The following MINAR1 variants were observed in gnomAD, a reference collection of about 807,000 sequenced individuals.
MINAR1 encodes membrane integral NOTCH2 associated receptor 1.
MINAR1 carries 40 observed loss-of-function variants against 65.1 expected under a neutral mutation model. The observed-to-expected ratio is 0.61, with a 90% CI of 0.48 to 0.80. The LOEUF is 0.80. MINAR1 is among the 30% of genes least tolerant of loss of function. MINAR1 has a pLI of 0.00. For synonymous variants in MINAR1, 482 were observed against 449.1 expected (o/e 1.07, Z -0.93); for missense variants, 1,128 against 1,148.0 (o/e 0.98, Z 0.25).
At chr15:79,419,389 G>C in the MINAR1 span, 3 of 152,282 alleles carry the variant, frequency 2.0e-5, no homozygotes, top group South Asian at 2.1e-4. Context: ...GATGGTGCCA[G>C]ACTTCAAGTG....
At chr15:79,458,566 T>C in intron 2 of MINAR1, 121 bp downstream of exon 2, 2 of 1,265,274 alleles carry the variant, frequency 1.6e-6, no homozygotes, top group Non-Finnish European at 2.2e-6. Context: ...CCAGTCATCC[T>C]TCCAGGTTTG....
In MINAR1 at chr15:79,470,861, G is replaced by C. The variant is rs146167459; in HGVS notation, c.*2477G>C. 4 of 152,294 alleles carry C rather than the reference G, an allele frequency of 2.6e-5. No individual in the cohort carries two copies. The East Asian group carries it at 7.7e-4, about 29-fold the overall frequency. The allele number at this position is 152,294 out of a possible 1,614,324, so 9.4% of individuals were successfully genotyped here. A position where few individuals can be genotyped will look rare whatever the true frequency, so the allele number is the denominator to read the frequency against. On this transcript the variant is annotated 3_prime_UTR_variant, in exon 4 of 4. Transcript: ENST00000305428. ...GTCATCCTCAGTCTGATAATACCAA[G>C]TCTGACGCTGAGGTTATGAATCATT... is the stretch of plus-strand genomic sequence containing the variant.
At position 79,461,128 on chromosome 15, in the gene MINAR1, C is replaced by T. The variant is rs558083532; in HGVS notation, c.2299-1939C>T. Among the ~76,000 whole-genome samples, 403 of 152,328 alleles carry T rather than the reference C, an allele frequency of 2.6e-3. 1 individual carries two copies. The highest frequency in any genetic ancestry group is 8.7e-3 in the African/African-American group (362 of 41,570). On this transcript the variant is annotated intron_variant, in intron 2 of 3. Coordinates refer to ENST00000305428, the MANE Select transcript of MINAR1 (RefSeq NM_015206.3). ...TGGATGGAAACTTTTATTGAAAATA[C>T]GTATTATGTATATATATTGACTGCC...
chr15:79,457,019 G>T lies in MINAR1; in HGVS notation c.872G>T (p.Arg291Leu), dbSNP rs760038690. ...AATGAGCACAGGGAACCCCAGAGTC[G>T]AAAGGAACCCCACAAGCCACCCTTC... The part of the protein sequence containing the change: ...AENEHREPQS[R>L]KEPHKPPFFN... The change falls in exon 2 of 4, where the codon CGA (arginine) becomes CTA (leucine). Residue 291 changes from arginine to leucine, a missense_variant. Arg to Leu is a moderately radical substitution (Grantham distance 102). Coordinates refer to ENST00000305428, the MANE Select transcript of MINAR1 (RefSeq NM_015206.3). 3 of 1,613,920 alleles carry T rather than the reference G, an allele frequency of 1.9e-6. No homozygotes were observed. Among genetic ancestry groups the T allele is most frequent in the Non-Finnish European group, 2.5e-6 (3 of 1,179,924 alleles).
intron 1 of MINAR1, among the ~76,000 whole-genome samples, chr15:79,448,547 G>A (rs1016976370): frequency 2.0e-5 from 3 of 152,166 alleles, no homozygotes; most frequent in African/African-American, 4.8e-5. Context: ...GGCCAACACC[G>A]ACGCAGGAAT....
chr15:79,465,074 T>C (rs183749480), intron 3 of MINAR1, among the ~76,000 whole-genome samples: 1 of 152,288 alleles, frequency 6.6e-6, no homozygotes, highest in African/African-American at 2.4e-5. Context: ...AGCATAAAGA[T>C]AAAATTATAA....
intron 1 of MINAR1, among the ~76,000 whole-genome samples, chr15:79,452,628 C>CTGTGTG (rs367728486): frequency 1.8e-5 from 2 of 113,440 alleles, no homozygotes; most frequent in Non-Finnish European, 3.8e-5. Context: ...CTGGATGAGT[C>CTGTGTG]TGTGTGTGTG....
intron 1 of MINAR1, among the ~76,000 whole-genome samples, chr15:79,448,886 CTT>C (rs1895100468): frequency 6.6e-6 from 1 of 152,158 alleles, no homozygotes; most frequent in Non-Finnish European, 1.5e-5. Flanking sequence ...ATCTCTCTCT[CTT>C]TTTGCTCTGC....
At chr15:79,434,864 T>A (rs1250212171) in intron 1 of MINAR1, among the ~76,000 whole-genome samples, 1 of 150,856 alleles carries the variant, frequency 6.6e-6, no homozygotes, top group Non-Finnish European at 1.5e-5. Flanking sequence ...GTAACTTTAA[T>A]GCATGCTTGT....
At chr15:79,427,578 ATTG>A (rs961011507), upstream of MINAR1, 1 of 152,112 alleles carries the variant, frequency 6.6e-6, no homozygotes, top group Non-Finnish European at 1.5e-5. Context: ...TCATAAACCT[ATTG>A]TTGTAGCTAA....
intron 1 of MINAR1, among the ~76,000 whole-genome samples, chr15:79,452,739 TGTGG>T (rs751359691): frequency 7.8e-6 from 1 of 128,812 alleles, no homozygotes; most frequent in African/African-American, 2.7e-5. Context: ...TGTGTGGGTG[TGTGG>T]GGGGGGTGTG....
the MINAR1 span, chr15:79,421,658 C>G: frequency 6.6e-6 from 1 of 152,316 alleles, no homozygotes; most frequent in East Asian, 1.9e-4. Context: ...AAAAGCAGTT[C>G]AGAATCCATC....
intron 3 of MINAR1, chr15:79,463,847 G>T: frequency 6.9e-6 from 3 of 434,434 alleles, no homozygotes; most frequent in South Asian, 3.3e-5. Flanking sequence ...CTGGGTTTTG[G>T]CCACACTTTT....
the MINAR1 span, chr15:79,421,758 A>C: frequency 6.6e-6 from 1 of 152,272 alleles, no homozygotes; most frequent in Non-Finnish European, 1.5e-5. Flanking sequence ...AAGACACCAG[A>C]GGGGACACCT....
intron 1 of MINAR1, among the ~76,000 whole-genome samples, chr15:79,435,174 G>T (rs1894560966): frequency 6.6e-6 from 1 of 152,116 alleles, no homozygotes; most frequent in African/African-American, 2.4e-5. Context: ...TACTCGGGAG[G>T]CTGAGGTAGG....
At chr15:79,419,639 A>G in the MINAR1 span, 1 of 152,224 alleles carries the variant, frequency 6.6e-6, no homozygotes, top group Non-Finnish European at 1.5e-5. Flanking sequence ...CAGAAGAAAG[A>G]TATTTTATAA....
upstream of MINAR1, chr15:79,427,578 A>C (rs111373896): frequency 6.6e-6 from 1 of 152,112 alleles, no homozygotes; most frequent in African/African-American, 2.4e-5. Flanking sequence ...TCATAAACCT[A>C]TTGTTGTAGC....
upstream of MINAR1, among the ~76,000 whole-genome samples, chr15:79,432,023 G>A (rs942741414): frequency 1.3e-5 from 2 of 152,230 alleles, no homozygotes; most frequent in East Asian, 1.9e-4. Context: ...CAGCTTGAGC[G>A]CCCCGGGCGG....
rs74619637 is a variant in MINAR1, at chr15:79,454,435, T to G, written c.-50-1663T>G. Among the ~76,000 whole-genome samples, 1,400 of 152,354 alleles carry G rather than the reference T, an allele frequency of 9.2e-3. 25 individuals carry two copies. The highest frequency in any genetic ancestry group is 0.032 in the African/African-American group (1,341 of 41,572). ...GGGTACATGTGAACTGTGTTAACTT[T>G]AAAATCAACAAATCAGTTATCAAAA... On this transcript the variant is annotated intron_variant, in intron 1 of 3. Coordinates refer to ENST00000305428, the MANE Select transcript of MINAR1 (RefSeq NM_015206.3).
Sources: gnomAD v4.1 joint callset for allele counts (sites outside exome capture counted in the v4.1 genomes callset) on GRCh38, gnomAD v4.1.1 for gene constraint, MANE v1.5 for transcripts, NCBI Gene and HGNC (gene_info 2026-07-23, HGNC 2026-07-21) for gene names.